The following FAM107A variants were observed in gnomAD, a reference collection of about 807,000 sequenced individuals.
The protein encoded by FAM107A is actin-associated protein FAM107A.
In FAM107A, 19 loss-of-function variants were observed where a neutral mutation model predicts 13.7. The observed-to-expected ratio is 1.38, with a 90% CI of 0.97 to 2.03. The LOEUF (loss-of-function observed/expected upper bound fraction) is 2.03. Among genes scored for constraint, FAM107A ranks in the 30% most tolerant of loss-of-function variants. The pLI is 0.00. For missense variants in FAM107A, 203 were observed against 184.4 expected (o/e 1.10, Z -0.58); for synonymous variants, 82 against 74.5 (o/e 1.10, Z -0.52).
intron 1 of FAM107A, among the ~76,000 whole-genome samples, chr3:58,597,656 C>T (rs978644920): frequency 6.6e-6 from 1 of 152,180 alleles, no homozygotes; most frequent in African/African-American, 2.4e-5. Flanking sequence ...TTGTAGCAAA[C>T]AGCTATCGAG....
Position 58,604,613 on chromosome 3 carries a change from A to T in FAM107A, c.-69-15344T>A, listed in dbSNP as rs2065777907. Among the ~76,000 whole-genome samples, 6 of 152,116 alleles carry T rather than the reference A, an allele frequency of 3.9e-5. No homozygotes were observed. Among genetic ancestry groups the T allele is most frequent in the Admixed American group, 3.3e-4 (5 of 15,264 alleles). On this transcript the variant is annotated intron_variant, in intron 1 of 3. Transcript: ENST00000465970. This position sits in a 1 kb window ranked among gnomAD's most constrained non-coding sequence, Gnocchi z 4.1. ...GCGGGACCTCAGGATGTGTGGACTG[A>T]ATGCACTTTCCTTTATTAATCCTTG...
intron 1 of FAM107A, among the ~76,000 whole-genome samples, chr3:58,614,506 C>CTTTTT (rs200625039): frequency 1.4e-5 from 2 of 139,412 alleles, no homozygotes; most frequent in African/African-American, 5.4e-5. Context: ...TTCTTTCTTT[C>CTTTTT]TTTTTTTTTT....
At chr3:58,589,194 G>T, upstream of FAM107A, 4 of 1,517,686 alleles carry the variant, frequency 2.6e-6, no homozygotes, top group Non-Finnish European at 3.5e-6. Context: ...AATTCTAGCG[G>T]GTCTGACTTA....
intron 1 of FAM107A, among the ~76,000 whole-genome samples, chr3:58,608,691 C>A (rs717323): frequency 0.093 from 14,158 of 152,234 alleles, 727 homozygotes; most frequent in East Asian, 0.16. Context: ...CCCCAGACCC[C>A]CTTGGAGGTG....
At position 58,617,525 on chromosome 3, in the gene FAM107A, G is replaced by T. The variant is rs994299692; in HGVS notation, c.-70+9891C>A. Among the ~76,000 whole-genome samples the T allele has an allele frequency of 6.6e-6, 1 of 151,978 alleles. No homozygotes were observed. Among genetic ancestry groups the T allele is most frequent in the African/African-American group, 2.4e-5 (1 of 41,352 alleles). On this transcript the variant is annotated intron_variant, in intron 1 of 3. Coordinates refer to the FAM107A transcript ENST00000465970. This position sits in a 1 kb window ranked among gnomAD's most constrained non-coding sequence, Gnocchi z 4.5. ...GTTCCAGCTCCTCGCCTTTCTCTCC[G>T]CCCCAGGCCCTGAGATCTGATCTCT...
intron 1 of FAM107A, chr3:58,573,387 A>G (rs1007777980): frequency 6.6e-6 from 1 of 152,318 alleles, no homozygotes; most frequent in Non-Finnish European, 1.5e-5. Flanking sequence ...AGACTACTCA[A>G]TAAAGCACAG....
rs1032350489 is a variant in FAM107A at position 58,625,167 on chromosome 3, C to G, written c.-70+2249G>C. Among the ~76,000 whole-genome samples the G allele has an allele frequency of 1.6e-4, 24 of 152,120 alleles. 1 individual carries two copies. The highest frequency in any genetic ancestry group is 5.1e-4 in the African/African-American group (21 of 41,418). On this transcript the variant is annotated intron_variant, in intron 1 of 3. Coordinates refer to the FAM107A transcript ENST00000465970. ...CACTCTGGCAAGTGACTGAACGGAC[C>G]CCCTCTTGGCCAAGGAGACCCCAGA...
At chr3:58,599,236 C>T (rs553081732) in intron 1 of FAM107A, among the ~76,000 whole-genome samples, 2 of 152,212 alleles carry the variant, frequency 1.3e-5, no homozygotes, top group Non-Finnish European at 2.9e-5. Context: ...GCCATCGCAC[C>T]TAGCCTCAAT....
Position 58,623,040 on chromosome 3 carries a change from A to G in FAM107A, c.-70+4376T>C, listed in dbSNP as rs546148838. 2.6e-5 allele frequency among the ~76,000 whole-genome samples: 4 copies of G among 152,240 alleles called. No individual in the cohort carries two copies. The East Asian group carries it at 7.8e-4, about 30-fold the overall frequency. ...CTCACACGTCACTGAGCTGGGCGCA[A>G]TGAGCTGGAATCCTCTGCTGGGCTT... is the stretch of plus-strand genomic sequence containing the variant. On this transcript the variant is annotated intron_variant, in intron 1 of 3. Coordinates refer to the FAM107A transcript ENST00000465970.
At chr3:58,600,185 G>C (rs1037204992) in intron 1 of FAM107A, among the ~76,000 whole-genome samples, 1 of 152,006 alleles carries the variant, frequency 6.6e-6, no homozygotes. Flanking sequence ...TTGGAAAGGG[G>C]AAAAGGGGCT....
chr3:58,571,168 A>C (rs1447111522), intron 1 of FAM107A, among the ~76,000 whole-genome samples: 1 of 152,232 alleles, frequency 6.6e-6, no homozygotes, highest in Non-Finnish European at 1.5e-5. Context: ...TTGCAAGGTG[A>C]TATGTCAGGA....
upstream of FAM107A, among the ~76,000 whole-genome samples, chr3:58,591,353 G>A (rs2065653186): frequency 6.6e-6 from 1 of 152,132 alleles, no homozygotes; most frequent in Non-Finnish European, 1.5e-5. This position sits in a 1 kb window ranked among gnomAD's most constrained non-coding sequence, Gnocchi z 4.3. Context: ...CAGATGTCCT[G>A]GGGCAGGGTC....
intron 1 of FAM107A, among the ~76,000 whole-genome samples, chr3:58,571,263 C>G (rs891624846): frequency 3.3e-5 from 5 of 152,190 alleles, no homozygotes; most frequent in African/African-American, 1.2e-4. Flanking sequence ...CCATCACAGG[C>G]TGCTGTTAGG....
At chr3:58,624,243 G>A (rs2065987413) in intron 1 of FAM107A, among the ~76,000 whole-genome samples, 1 of 152,208 alleles carries the variant, frequency 6.6e-6, no homozygotes, top group Non-Finnish European at 1.5e-5. Flanking sequence ...TCCAAACAGT[G>A]TTAGAGGGAT....
rs73838047 is a variant in FAM107A, at chr3:58,568,707, C to T, written c.170+984G>A. Among the ~76,000 whole-genome samples, 1,098 of 152,298 alleles carry T rather than the reference C, an allele frequency of 7.2e-3. 4 individuals carry two copies. Among genetic ancestry groups the T allele is most frequent in the Non-Finnish European group, 0.011 (721 of 68,028 alleles). ...AACTGTTAGGATATTGGTCACACAA[C>T]TGAAAACAAGAATAGAAATCACAAC... On this transcript the variant is annotated intron_variant, in intron 2 of 3. Transcript: ENST00000360997.
At chr3:58,582,940 A>G (rs2065564631) in intron 1 of FAM107A, among the ~76,000 whole-genome samples, 1 of 152,146 alleles carries the variant, frequency 6.6e-6, no homozygotes, top group African/African-American at 2.4e-5. Flanking sequence ...CTGGCATTAC[A>G]GGCACCTGCC....
intron 1 of FAM107A, among the ~76,000 whole-genome samples, chr3:58,612,455 C>T (rs1575455933): frequency 6.6e-6 from 1 of 151,880 alleles, no homozygotes; most frequent in Non-Finnish European, 1.5e-5. Context: ...AGGCACATAC[C>T]TATAGTATTA....
chr3:58,602,225 C>T (rs867334242), intron 1 of FAM107A, among the ~76,000 whole-genome samples: 7 of 152,120 alleles, frequency 4.6e-5, no homozygotes, highest in South Asian at 2.1e-4. Context: ...TGCTCTGCCT[C>T]CCCAGAAATC....
chr3:58,570,736 G>T (rs1249830118), intron 1 of FAM107A, among the ~76,000 whole-genome samples: 1 of 152,120 alleles, frequency 6.6e-6, no homozygotes, highest in Non-Finnish European at 1.5e-5. Flanking sequence ...CTTTAGCTCT[G>T]CTCTCTTCAT....
Sources: allele counts gnomAD v4.1 joint callset (sites outside exome capture counted in the v4.1 genomes callset), GRCh38; gene constraint gnomAD v4.1.1; non-coding constraint Gnocchi (gnomAD v3.1); transcripts MANE v1.5; gene names NCBI Gene and HGNC (gene_info 2026-07-23, HGNC 2026-07-21).